The following PAPPA2 variants were observed in gnomAD, a reference collection of about 807,000 sequenced individuals.
PAPPA2 encodes the protein pappalysin-2.
A neutral mutation model predicts 176.4 loss-of-function variants in PAPPA2; 86 were observed. That is an observed-to-expected ratio of 0.49 (90% CI 0.41 to 0.58). The LOEUF (loss-of-function observed/expected upper bound fraction) is 0.58. Ranked by LOEUF, PAPPA2 falls within the 20% of genes least tolerant of loss-of-function variation. The probability of loss-of-function intolerance (pLI) is 0.00; values close to 1 mark genes in which losing one functional copy is unlikely to be tolerated. For missense variants in PAPPA2, 2,073 were observed against 2,256.9 expected, an observed-to-expected ratio of 0.92 and a Z score of 1.65; for synonymous variants, 809 against 852.2, an observed-to-expected ratio of 0.95 and a Z score of 0.88.
At chr1:176,767,205 C>G (rs1664013820) in intron 15 of PAPPA2, among the ~76,000 whole-genome samples, 1 of 152,164 alleles carries the variant, frequency 6.6e-6, no homozygotes, top group Non-Finnish European at 1.5e-5. Flanking sequence ...ACTGAATCCA[C>G]TCGTGATAGG....
chr1:176,789,875 G>A lies in PAPPA2; in HGVS notation c.4782G>A (p.Val1594=), dbSNP rs757389528. 6.2e-6 allele frequency: 10 copies of A among 1,614,146 alleles called. 1 individual carries two copies. In the South Asian group the frequency reaches 9.9e-5, roughly 16 times the overall value. ...AGCAAGGCAGCTGCATTCCTGTGGT[G>A]TGTGAGCCACCCCCTCCTGTGTTTG... The part of the protein sequence containing the change: ...IWEQGSCIPV[V]CEPPPPVFEG... The change falls in exon 18 of 23, where the codon GTG becomes GTA. Residue 1594 remains valine (V), a synonymous_variant. Coordinates refer to ENST00000367662, the MANE Select transcript of PAPPA2 (RefSeq NM_020318.3).
chr1:176,796,583 T>C (rs1435928310), intron 20 of PAPPA2, among the ~76,000 whole-genome samples: 2 of 150,058 alleles, frequency 1.3e-5, no homozygotes, highest in Admixed American at 6.7e-5. Context: ...ACCTTTACTG[T>C]TTCTTTCTTT....
chr1:176,819,137 G>A (rs2102971592), intron 21 of PAPPA2, among the ~76,000 whole-genome samples: 1 of 152,278 alleles, frequency 6.6e-6, no homozygotes, highest in Admixed American at 6.5e-5. Flanking sequence ...AGTGAATGAT[G>A]GAGGTAAGAA....
chr1:176,651,997 A>G (rs187411720), intron 3 of PAPPA2, among the ~76,000 whole-genome samples: 1 of 151,508 alleles, frequency 6.6e-6, no homozygotes, highest in Non-Finnish European at 1.5e-5. Context: ...TTAAAAAACT[A>G]TTATGTCAAT....
chr1:176,760,561 C>T (rs1663651564), intron 14 of PAPPA2, among the ~76,000 whole-genome samples: 1 of 152,142 alleles, frequency 6.6e-6, no homozygotes, highest in Admixed American at 6.5e-5. Context: ...TAAAAAGCTT[C>T]CTAAGTGAGT....
At chr1:176,644,272 G>A (rs909768242) in intron 3 of PAPPA2, among the ~76,000 whole-genome samples, 3 of 151,742 alleles carry the variant, frequency 2.0e-5, no homozygotes, top group Non-Finnish European at 4.4e-5. Flanking sequence ...GCAGGTTCAA[G>A]CAACTTCTGG....
intron 1 of PAPPA2, among the ~76,000 whole-genome samples, chr1:176,501,254 A>G (rs557899152): frequency 6.6e-6 from 1 of 152,198 alleles, no homozygotes; most frequent in South Asian, 2.1e-4. Flanking sequence ...CTTAAAAGTT[A>G]GTGGCTTCTG....
intron 3 of PAPPA2, among the ~76,000 whole-genome samples, chr1:176,599,700 A>G (rs1168072745): frequency 6.6e-6 from 1 of 151,898 alleles, no homozygotes; most frequent in Non-Finnish European, 1.5e-5. Context: ...TGTGTGTTAT[A>G]TCCGATGCAT....
intron 4 of PAPPA2, among the ~76,000 whole-genome samples, chr1:176,684,969 T>A (rs1159063322): frequency 6.6e-6 from 1 of 152,150 alleles, no homozygotes; most frequent in Non-Finnish European, 1.5e-5. Flanking sequence ...AGACAAAGCA[T>A]GAGCGACTTA....
Position 176,725,414 on chromosome 1 carries a change from A to G in PAPPA2, c.3798+13433A>G, listed in dbSNP as rs528977717. Among the ~76,000 whole-genome samples, 3 of 152,302 alleles carry G rather than the reference A, an allele frequency of 2.0e-5. No individual in the cohort carries two copies. The South Asian group carries it at 6.2e-4, about 32-fold the overall frequency. ...CATGACAACATTCACTTTTAATTCT[A>G]CTTAGTAAACAATGCCTCATATGAA... On this transcript the variant is annotated intron_variant, in intron 12 of 22. Transcript: ENST00000367662.
intron 14 of PAPPA2, among the ~76,000 whole-genome samples, chr1:176,755,357 T>C (rs1000401966): frequency 3.3e-5 from 5 of 152,222 alleles, no homozygotes; most frequent in African/African-American, 1.2e-4. Flanking sequence ...CCGTAGCTTA[T>C]GTATAGCCCA....
chr1:176,686,015 A>T (rs1471701145), intron 4 of PAPPA2, among the ~76,000 whole-genome samples: 2 of 152,166 alleles, frequency 1.3e-5, no homozygotes, highest in African/African-American at 4.8e-5. Flanking sequence ...TAATGTGAGT[A>T]TGTGTGTCTG....
At chr1:176,796,860 G>A (rs550115915) in intron 20 of PAPPA2, among the ~76,000 whole-genome samples, 7 of 135,190 alleles carry the variant, frequency 5.2e-5, no homozygotes, top group East Asian at 2.1e-4. Flanking sequence ...TCTCTCCCAC[G>A]TCCTTCCTTC....
chr1:176,775,560 G>C (rs898964879), intron 17 of PAPPA2, among the ~76,000 whole-genome samples: 1 of 152,054 alleles, frequency 6.6e-6, no homozygotes, highest in Non-Finnish European at 1.5e-5. Context: ...ACAGAAAAAC[G>C]ATTACCTCTC....
intron 2 of PAPPA2, among the ~76,000 whole-genome samples, chr1:176,573,197 T>G (rs1038859858): frequency 6.6e-6 from 1 of 152,198 alleles, no homozygotes; most frequent in Non-Finnish European, 1.5e-5. Context: ...CTAAGGTGTG[T>G]GACTTCTTGG....
chr1:176,771,205 G>A lies in PAPPA2; in HGVS notation c.4715+25G>A, dbSNP rs545564321. On this transcript the variant is annotated intron_variant, in intron 17 of 22. Coordinates refer to ENST00000367662, the MANE Select transcript of PAPPA2 (RefSeq NM_020318.3). ...AGTAAGTTGAATGTTCCTGGTCTTT[G>A]GAGTTCTACCTACCTCGCTGCTTGT... 1.4e-5 allele frequency: 23 copies of A among 1,603,904 alleles called. No homozygotes were observed. In the East Asian group the frequency reaches 2.5e-4, roughly 17 times the overall value.
In PAPPA2 at chr1:176,464,938, G is replaced by A. The variant is rs141665535; in HGVS notation, c.-917+1520G>A. On this transcript the variant is annotated intron_variant, in intron 1 of 22. Coordinates refer to ENST00000367662, the MANE Select transcript of PAPPA2 (RefSeq NM_020318.3). ...GGTGGCTGGATAGTGGTTATTGCTG[G>A]ATAGGTGTTTTCACTTTGAATTATT... Among the ~76,000 whole-genome samples the A allele has an allele frequency of 7.6e-4, 116 of 152,258 alleles. 1 individual carries two copies. The highest frequency in any genetic ancestry group is 1.5e-3 in the Non-Finnish European group (102 of 68,012).
chr1:176,552,812 C>T (rs1573029974), intron 1 of PAPPA2, among the ~76,000 whole-genome samples: 3 of 152,058 alleles, frequency 2.0e-5, no homozygotes, highest in Admixed American at 6.6e-5. Flanking sequence ...TCAGTCTGAT[C>T]GCCACAGATA....
At chr1:176,629,272 T>TA (rs1420157740) in intron 3 of PAPPA2, among the ~76,000 whole-genome samples, 1 of 152,180 alleles carries the variant, frequency 6.6e-6, no homozygotes, top group Non-Finnish European at 1.5e-5. Context: ...TGTGATGTGT[T>TA]AAAAAAGGTA....
Sources: allele counts gnomAD v4.1 joint callset (sites outside exome capture counted in the v4.1 genomes callset), GRCh38; gene constraint gnomAD v4.1.1; transcripts MANE v1.5; gene names NCBI Gene and HGNC (gene_info 2026-07-23, HGNC 2026-07-21).